The following PWWP2B variants were observed in gnomAD, a reference collection of about 807,000 sequenced individuals.
PWWP2B encodes PWWP domain containing 2B.
In PWWP2B, 9 loss-of-function variants were observed where a neutral mutation model predicts 15.5. That is an observed-to-expected ratio of 0.58 (90% CI 0.35 to 1.02). The LOEUF is 1.02. PWWP2B is among the 50% of genes least tolerant of loss of function. The pLI is 0.02. For missense variants in PWWP2B, 864 were observed against 865.3 expected, an observed-to-expected ratio of 1.00 and a Z score of 0.02; for synonymous variants, 474 against 403.6, an observed-to-expected ratio of 1.17 and a Z score of -2.09.
At chr10:132,409,157 G>T (rs533796005) in intron 2 of PWWP2B, among the ~76,000 whole-genome samples, 1 of 152,186 alleles carries the variant, frequency 6.6e-6, no homozygotes, top group Non-Finnish European at 1.5e-5. Flanking sequence ...TGAGTGAGCC[G>T]CACTCCACCC....
chr10:132,400,006 C>G (rs1431522172), intron 1 of PWWP2B, among the ~76,000 whole-genome samples: 1 of 152,210 alleles, frequency 6.6e-6, no homozygotes, highest in Non-Finnish European at 1.5e-5. Context: ...CACCCTAGGC[C>G]AGACACCCTG....
In PWWP2B at chr10:132,405,656, G is replaced by A. The variant is rs768151857; in HGVS notation, c.1156G>A (p.Gly386Ser). Reference protein sequence around the residue: ...GLADLSSGSSGEDDDFKSCPQ... With the variant: ...GLADLSSGSSSEDDDFKSCPQ... ...GGCGGACTTGTCTTCTGGAAGTTCG[G>A]GTGAGGACGATGACTTCAAGAGCTG... is the stretch of plus-strand genomic sequence containing the variant. Residue 386 changes from glycine to serine, a missense_variant, in exon 2 of 3, where the codon GGT becomes AGT. Transcript: ENST00000305233. 5.0e-6 allele frequency: 8 copies of A among 1,612,456 alleles called. No homozygotes were observed. Among genetic ancestry groups the A allele is most frequent in the Non-Finnish European group, 6.8e-6 (8 of 1,179,884 alleles).
chr10:132,410,295 G>A (rs1361195430), intron 2 of PWWP2B, among the ~76,000 whole-genome samples: 3 of 151,498 alleles, frequency 2.0e-5, no homozygotes, highest in Non-Finnish European at 1.5e-5. Context: ...GCTCAGAGGC[G>A]GGTCAGGCAG....
intron 2 of PWWP2B, among the ~76,000 whole-genome samples, chr10:132,412,174 T>A (rs1313345476): frequency 6.6e-6 from 1 of 152,224 alleles, no homozygotes; most frequent in African/African-American, 2.4e-5. Flanking sequence ...GGGGGTCAGA[T>A]GCCTGGGACA....
intron 1 of PWWP2B, 73 bp from the exon 2 acceptor site, chr10:132,404,553 C>A: frequency 2.2e-6 from 3 of 1,351,196 alleles, no homozygotes; most frequent in Non-Finnish European, 2.1e-6. Context: ...GGGGCCTTGG[C>A]TCTGGGGGCT....
chr10:132,406,562 T>G (rs2069701887), intron 2 of PWWP2B, among the ~76,000 whole-genome samples: 1 of 152,284 alleles, frequency 6.6e-6, no homozygotes, highest in African/African-American at 2.4e-5. Context: ...GCAGCCATTT[T>G]TCAAAGGCCG....
chr10:132,402,531 G>A (rs1194781706), intron 1 of PWWP2B, among the ~76,000 whole-genome samples: 1 of 152,270 alleles, frequency 6.6e-6, no homozygotes, highest in Non-Finnish European at 1.5e-5. Context: ...CCAGCGTGAG[G>A]AGTGTGCATG....
rs1210910153 is a variant in PWWP2B, at chr10:132,406,161, G to A, written c.1661G>A (p.Arg554Lys). ...CCTTTCTCTGAATTTTTCAAACTGAGATTTAATCGTAAGAAGAAGGGGATG... is the reference window on the plus strand; with the variant it reads ...CCTTTCTCTGAATTTTTCAAACTGAAATTTAATCGTAAGAAGAAGGGGATG... Reference protein sequence around the residue: ...LSPFSEFFKLRFNRKKKGMYR... With the variant: ...LSPFSEFFKLKFNRKKKGMYR... Residue 554 changes from arginine to lysine, a missense_variant, in exon 2 of 3, where the codon AGA (arginine) becomes AAA (lysine). By Grantham distance (26) the Arg-to-Lys change is conservative. Transcript: ENST00000305233. 6.2e-7 allele frequency: 1 copy of A among 1,613,602 alleles called. No homozygotes were observed. The highest frequency in any genetic ancestry group is 1.7e-5 in the Admixed American group (1 of 60,034).
In PWWP2B at chr10:132,397,239, G is replaced by A; in HGVS notation, c.13G>A (p.Ala5Thr). 3 of 1,227,300 alleles carry A rather than the reference G, an allele frequency of 2.4e-6. No individual in the cohort carries two copies. Among genetic ancestry groups the A allele is most frequent in the Non-Finnish European group, 2.1e-6 (2 of 974,748 alleles). 76.0% of individuals were successfully genotyped at this position (1,227,300 alleles called of 1,614,324 possible). MEPR[A>T]GCRLPVRVEQ... ...ACGCGGCGGGAGCATGGAGCCGCGCGCCGGCTGCCGGCTGCCGGTGCGGGT... is the reference window on the plus strand; with the variant it reads ...ACGCGGCGGGAGCATGGAGCCGCGCACCGGCTGCCGGCTGCCGGTGCGGGT... Residue 5 changes from alanine to threonine, a missense_variant, in exon 1 of 3, where the codon GCC becomes ACC. By Grantham distance (58) the Ala-to-Thr change is moderately conservative. Around this residue, in one of 2 missense-constraint regions of PWWP2B, gnomAD observed 736 missense variants for 687.7 expected, o/e 1.07. Coordinates refer to ENST00000305233, the MANE Select transcript of PWWP2B (RefSeq NM_138499.4).
At chr10:132,408,857 C>G (rs539821877) in intron 2 of PWWP2B, among the ~76,000 whole-genome samples, 2 of 152,380 alleles carry the variant, frequency 1.3e-5, no homozygotes, top group Admixed American at 6.5e-5. Context: ...CACAGGGTGC[C>G]AGGGCATTGG....
Position 132,405,234 on chromosome 10 carries a change from A to AGCAGGTCCC in PWWP2B, c.737_745dup (p.Gln246_Pro248dup), listed in dbSNP as rs2069678039. On this transcript the variant is annotated inframe_insertion, in exon 2 of 3. Coordinates refer to ENST00000305233, the MANE Select transcript of PWWP2B (RefSeq NM_138499.4). Reference sequence around the variant, plus strand: ...CGCGAGGAGGACAGGGCCCCGGCAGAGCAGGTCCCGCGGAGCCCGGTCATC... The same window carrying AGCAGGTCCC: ...CGCGAGGAGGACAGGGCCCCGGCAGAGCAGGTCCCGCAGGTCCCGCGGAGCCCGGTCATC... 6.2e-7 allele frequency: 1 copy of AGCAGGTCCC among 1,605,656 alleles called. No homozygotes were observed. The highest frequency in any genetic ancestry group is 8.5e-7 in the Non-Finnish European group (1 of 1,177,234).
chr10:132,410,334 C>CG (rs35790891), intron 2 of PWWP2B, among the ~76,000 whole-genome samples: 28 of 151,138 alleles, frequency 1.9e-4, no homozygotes, highest in Admixed American at 3.3e-4. Flanking sequence ...CCGTATTCAT[C>CG]GGGGGGGACC....
intron 1 of PWWP2B, among the ~76,000 whole-genome samples, chr10:132,399,066 C>T (rs945219650): frequency 6.7e-6 from 1 of 150,018 alleles, no homozygotes; most frequent in East Asian, 2.2e-4. Flanking sequence ...CCCTCATCTC[C>T]CCTGAGCCTG....
At chr10:132,415,886 TAC>T (rs1326917576) in intron 2 of PWWP2B, among the ~76,000 whole-genome samples, 5 of 152,156 alleles carry the variant, frequency 3.3e-5, no homozygotes, top group African/African-American at 9.7e-5. Context: ...TCAAATTGTT[TAC>T]AGTGTTGTCA....
chr10:132,407,582 G>A (rs1434856371), intron 2 of PWWP2B, among the ~76,000 whole-genome samples: 1 of 152,150 alleles, frequency 6.6e-6, no homozygotes, highest in African/African-American at 2.4e-5. Flanking sequence ...TTGAGCCAGG[G>A]TCCCCAGGGT....
chr10:132,406,519 G>T (rs2069701255), intron 2 of PWWP2B, among the ~76,000 whole-genome samples: 1 of 152,272 alleles, frequency 6.6e-6, no homozygotes, highest in Non-Finnish European at 1.5e-5. Flanking sequence ...CACCGCTGGT[G>T]CTTGTTGGAA....
At chr10:132,402,625 G>A (rs980298520) in intron 1 of PWWP2B, among the ~76,000 whole-genome samples, 9 of 152,260 alleles carry the variant, frequency 5.9e-5, no homozygotes, top group African/African-American at 2.2e-4. Flanking sequence ...GGTGCTCATG[G>A]AAGATGATGA....
At chr10:132,400,224 G>T (rs114786938) in intron 1 of PWWP2B, among the ~76,000 whole-genome samples, 1 of 152,182 alleles carries the variant, frequency 6.6e-6, no homozygotes, top group Non-Finnish European at 1.5e-5. Flanking sequence ...AGGGACACAG[G>T]CCTAGTGCAT....
chr10:132,405,241 C>T lies in PWWP2B; in HGVS notation c.741C>T (p.Val247=). The T allele has an allele frequency of 6.2e-7, 1 of 1,607,284 alleles. No individual in the cohort carries two copies. The highest frequency in any genetic ancestry group is 1.1e-5 in the South Asian group (1 of 90,318). The part of the protein sequence containing the change: ...REEDRAPAEQ[V]PRSPVIKISY... ...AGGACAGGGCCCCGGCAGAGCAGGTCCCGCGGAGCCCGGTCATCAAGATCT... is the reference window on the plus strand; with the variant it reads ...AGGACAGGGCCCCGGCAGAGCAGGTTCCGCGGAGCCCGGTCATCAAGATCT... Residue 247 remains valine (V), a synonymous_variant, in exon 2 of 3, where the codon GTC becomes GTT. Coordinates refer to ENST00000305233, the MANE Select transcript of PWWP2B (RefSeq NM_138499.4).
Sources: allele counts gnomAD v4.1 joint callset (sites outside exome capture counted in the v4.1 genomes callset), GRCh38; gene constraint gnomAD v4.1.1; regional missense constraint gnomAD v4.1.1; transcripts MANE v1.5; gene names NCBI Gene and HGNC (gene_info 2026-07-23, HGNC 2026-07-21).